The following NDUFAF6 variants were observed in gnomAD, a reference collection of about 807,000 sequenced individuals.
The protein encoded by NDUFAF6 is NADH dehydrogenase (ubiquinone) complex I, assembly factor 6.
Under a neutral mutation model 40.8 loss-of-function variants are expected in NDUFAF6, and 45 were observed. The observed-to-expected ratio is 1.10, with a 90% CI of 0.87 to 1.42. NDUFAF6 has a LOEUF of 1.42. Among genes scored for constraint, NDUFAF6 ranks in the 40% most tolerant of loss-of-function variants. NDUFAF6 has a pLI of 0.00. For missense variants in NDUFAF6, 435 were observed against 418.5 expected (o/e 1.04, Z -0.34); for synonymous variants, 185 against 155.9 (o/e 1.19, Z -1.39).
intron 1 of NDUFAF6, chr8:94,926,417 C>CT (rs780807950): frequency 0.024 from 645 of 26,412 alleles, 2 homozygotes; most frequent in Middle Eastern, 0.1. Flanking sequence ...AACAAAGCCA[C>CT]TTAAAAAAAA....
intron 1 of NDUFAF6, among the ~76,000 whole-genome samples, chr8:94,976,630 C>T (rs1233245976): frequency 6.6e-6 from 1 of 151,282 alleles, no homozygotes; most frequent in Non-Finnish European, 1.5e-5. Flanking sequence ...GCCAAGATCA[C>T]ACCACTGCAC....
chr8:94,930,874 T>C, intron 1 of NDUFAF6: 1 of 993,176 alleles, frequency 1.0e-6, no homozygotes, highest in Non-Finnish European at 1.4e-6. Flanking sequence ...GACAAGTTTA[T>C]TATTCTGTGA....
At chr8:94,904,871 T>G (rs553287) in intron 1 of NDUFAF6, among the ~76,000 whole-genome samples, 7,551 of 151,004 alleles carry the variant, frequency 0.05, 245 homozygotes, top group Middle Eastern at 0.065. Flanking sequence ...TTATTACATT[T>G]AAAAAAAAAA....
At chr8:95,116,997 C>T (rs1810149111), downstream of NDUFAF6, among the ~76,000 whole-genome samples, 1 of 152,168 alleles carries the variant, frequency 6.6e-6, no homozygotes, top group Admixed American at 6.5e-5. Flanking sequence ...TCATATGTTT[C>T]CTTGTTCATG....
At chr8:95,107,687 T>A (rs1809880255), downstream of NDUFAF6, among the ~76,000 whole-genome samples, 1 of 152,194 alleles carries the variant, frequency 6.6e-6, no homozygotes, top group African/African-American at 2.4e-5. Context: ...TGTATCTGAG[T>A]AAAGCTATTA....
At chr8:95,048,583 T>C (rs947287629) in intron 7 of NDUFAF6, 25 bp downstream of exon 7, 3 of 1,479,578 alleles carry the variant, frequency 2.0e-6, no homozygotes, top group Admixed American at 1.7e-5. Flanking sequence ...TTTTGCCAAA[T>C]CATTTAGGGA....
At chr8:95,031,208 T>A (rs1021135167) in intron 1 of NDUFAF6, among the ~76,000 whole-genome samples, 13 of 152,202 alleles carry the variant, frequency 8.5e-5, no homozygotes, top group Non-Finnish European at 1.6e-4. Context: ...CTAGGTGTGT[T>A]CACCAATACC....
intron 1 of NDUFAF6, among the ~76,000 whole-genome samples, chr8:94,972,625 G>A (rs1824559520): frequency 6.6e-6 from 1 of 151,522 alleles, no homozygotes; most frequent in African/African-American, 2.4e-5. Context: ...TAAAAATTCA[G>A]TTCTCCTATA....
At chr8:95,054,134 A>G (rs1362448432) in intron 8 of NDUFAF6, among the ~76,000 whole-genome samples, 5 of 150,682 alleles carry the variant, frequency 3.3e-5, no homozygotes. Context: ...TTTGGAAGAG[A>G]TGGAATCTCA....
At chr8:95,024,336 T>G (rs1217613052), upstream of NDUFAF6, among the ~76,000 whole-genome samples, 1 of 152,224 alleles carries the variant, frequency 6.6e-6, no homozygotes, top group Non-Finnish European at 1.5e-5. Context: ...ATAATGGCAC[T>G]GCCCGTATGG....
intron 1 of NDUFAF6, among the ~76,000 whole-genome samples, chr8:94,905,362 C>G (rs1167875720): frequency 6.9e-6 from 1 of 145,178 alleles, no homozygotes; most frequent in African/African-American, 2.6e-5. Context: ...TCGGATTTTT[C>G]TGAGGCAACA....
upstream of NDUFAF6, among the ~76,000 whole-genome samples, chr8:95,021,601 T>C (rs1367800133): frequency 1.3e-5 from 2 of 152,208 alleles, no homozygotes; most frequent in African/African-American, 4.8e-5. Context: ...CACAAGTCAC[T>C]GTCATTCTAA....
chr8:95,086,839 G>T (rs915430524), intron 2 of NDUFAF6, among the ~76,000 whole-genome samples: 1 of 151,964 alleles, frequency 6.6e-6, no homozygotes, highest in Non-Finnish European at 1.5e-5. Context: ...TCCTGACTTC[G>T]TGATCCGCCC....
chr8:94,998,405 C>A (rs1467650261), intron 2 of NDUFAF6, among the ~76,000 whole-genome samples: 2 of 151,958 alleles, frequency 1.3e-5, no homozygotes, highest in African/African-American at 2.4e-5. Flanking sequence ...CACACACACA[C>A]ACACACACAC....
intron 2 of NDUFAF6, among the ~76,000 whole-genome samples, chr8:94,947,694 T>TGAAAGACAGTGGA (rs745927075): frequency 1.8e-4 from 27 of 152,222 alleles, no homozygotes; most frequent in Non-Finnish European, 3.4e-4. Context: ...CCCCTAAGGC[T>TGAAAGACAGTGGA]GAAAGACAGT....
chr8:95,106,808 C>A (rs1259322073), downstream of NDUFAF6, among the ~76,000 whole-genome samples: 1 of 152,078 alleles, frequency 6.6e-6, no homozygotes, highest in Non-Finnish European at 1.5e-5. Flanking sequence ...ACAACCCCAT[C>A]AAAAAGTGGA....
At chr8:94,935,760 G>C (rs148473563) in intron 1 of NDUFAF6, among the ~76,000 whole-genome samples, 142 of 152,260 alleles carry the variant, frequency 9.3e-4, no homozygotes, top group Non-Finnish European at 1.4e-3. Context: ...AAAATGCAAG[G>C]GTTGATAGAA....
chr8:95,021,983 G>A (rs1240016234), upstream of NDUFAF6, among the ~76,000 whole-genome samples: 6 of 152,162 alleles, frequency 3.9e-5, no homozygotes, highest in Non-Finnish European at 8.8e-5. Context: ...TGGTGTGGAA[G>A]ATCTATACAT....
At chr8:94,935,888 G>A (rs1312974053) in intron 1 of NDUFAF6, among the ~76,000 whole-genome samples, 2 of 152,088 alleles carry the variant, frequency 1.3e-5, no homozygotes, top group Non-Finnish European at 2.9e-5. Context: ...ACCTAGTACT[G>A]TAAAACAAAA....
Sources: allele counts gnomAD v4.1 joint callset (sites outside exome capture counted in the v4.1 genomes callset), GRCh38; gene constraint gnomAD v4.1.1; transcripts MANE v1.5; gene names NCBI Gene and HGNC (gene_info 2026-07-23, HGNC 2026-07-21).